RCCD1: variants seen among roughly 807,000 people sequenced by gnomAD.
RCCD1 encodes RCC1 domain-containing protein 1.
A neutral mutation model predicts 37.6 loss-of-function variants in RCCD1; 40 were observed. The ratio of observed to expected loss-of-function variants is 1.06; its 90% CI spans 0.83 to 1.39. The LOEUF is 1.39. Ranked by LOEUF, RCCD1 falls within the 40% of genes most tolerant of loss-of-function variation. The probability of loss-of-function intolerance (pLI) is 0.00; values close to 1 mark genes in which losing one functional copy is unlikely to be tolerated. For synonymous variants in RCCD1, 263 were observed against 230.0 expected, an observed-to-expected ratio of 1.14 and a Z score of -1.30; for missense variants, 577 against 517.3, an observed-to-expected ratio of 1.12 and a Z score of -1.12.
In RCCD1 at chr15:90,960,463, C is replaced by CCAGCTGTGGATCCCGGCACA. The variant is rs763035264; in HGVS notation, c.924_943dup (p.Val315AspfsTer8). ...CCCATGGGCTCAGATGCAGTCAAGG[C>CCAGCTGTGGATCCCGGCACA]CAGCTGTGGATCCCGGCACACAGCT... On this transcript the variant is annotated frameshift_variant, in exon 6 of 8. Coordinates refer to ENST00000394258, the MANE Select transcript of RCCD1 (RefSeq NM_001017919.2). LOFTEE classifies it high-confidence loss of function. 2 of 1,612,350 alleles carry CCAGCTGTGGATCCCGGCACA rather than the reference C, an allele frequency of 1.2e-6. No homozygotes were observed. Among genetic ancestry groups the CCAGCTGTGGATCCCGGCACA allele is most frequent in the Non-Finnish European group, 1.7e-6 (2 of 1,179,962 alleles).
intron 4 of RCCD1, among the ~76,000 whole-genome samples, 188 bp downstream of exon 4, chr15:90,957,913 C>G (rs1196798883): frequency 6.6e-6 from 1 of 152,224 alleles, no homozygotes; most frequent in Non-Finnish European, 1.5e-5. Flanking sequence ...CCACTCACGC[C>G]TGGACTCTGG....
At position 90,961,728 on chromosome 15, in the gene RCCD1, TG is replaced by T. The variant is rs1320746974; in HGVS notation, c.1092del (p.Trp364Ter). ...AGTAAAGGCTGTCACCTGTGGGCCG[TG>T]GAACACCTACGTGTATGCTGTGGAG... ...LQVKAVTCGP[W>X]NTYVYAVEKG... On this transcript the variant is annotated frameshift_variant, in exon 8 of 8. Coordinates refer to ENST00000394258, the MANE Select transcript of RCCD1 (RefSeq NM_001017919.2). LOFTEE classifies it high-confidence loss of function. The T allele has an allele frequency of 1.2e-6, 2 of 1,614,116 alleles. No individual in the cohort carries two copies. The highest frequency in any genetic ancestry group is 1.7e-6 in the Non-Finnish European group (2 of 1,179,992).
Position 90,961,647 on chromosome 15 carries a change from A to T in RCCD1, c.1009A>T (p.Thr337Ser). The T allele has an allele frequency of 6.2e-7, 1 of 1,613,926 alleles. No individual in the cohort carries two copies. The highest frequency in any genetic ancestry group is 1.7e-4 in the Middle Eastern group (1 of 6,056). ...GKYGQLGHED[T>S]TSLDRPRRVE... ...ATATGGACAGCTGGGCCACGAGGAC[A>T]CCACCAGCTTGGATCGGCCTCGCCG... The change falls in exon 8 of 8, where the codon ACC (threonine) becomes TCC (serine). Residue 337 changes from threonine to serine, a missense_variant. Thr to Ser is a moderately conservative substitution (Grantham distance 58). Coordinates refer to ENST00000394258, the MANE Select transcript of RCCD1 (RefSeq NM_001017919.2).
intron 1 of RCCD1, chr15:90,955,453 G>C (rs2037157511): frequency 6.6e-6 from 1 of 152,378 alleles, no homozygotes; most frequent in Admixed American, 6.5e-5. Flanking sequence ...CAAGATCAAG[G>C]TCAGAGGCCC....
At chr15:90,957,807 TACCC>T in intron 4 of RCCD1, 82 bp downstream of exon 4, 2 of 1,488,080 alleles carry the variant, frequency 1.3e-6, no homozygotes, top group Non-Finnish European at 1.8e-6. Flanking sequence ...GGTGGGGGCC[TACCC>T]AGGCCTCCTT....
chr15:90,957,413 C>T lies in RCCD1; in HGVS notation c.467C>T (p.Pro156Leu). The change falls in exon 3 of 8, where the codon CCG (proline) becomes CTG (leucine). Residue 156 changes from proline (P) to leucine (L), a missense_variant. Coordinates refer to ENST00000394258, the MANE Select transcript of RCCD1 (RefSeq NM_001017919.2). The part of the protein sequence containing the change: ...PRAPFYRPLA[P>L]ELRARQLELG... ...GCGCCCTTCTACCGGCCTCTGGCTC[C>T]GGAGCTGCGGGCACGCCAGCTGGAG... 6.5e-7 allele frequency: 1 copy of T among 1,540,442 alleles called. No individual in the cohort carries two copies.
Position 90,956,752 on chromosome 15 carries a change from G to A in RCCD1, c.18G>A (p.Pro6=). The stretch of plus-strand genomic sequence containing the variant: ...GCTCGGGCATGGCGGAGGAGCGGCC[G>A]GGGGCCTGGTTCGGCTTCGGTTTCT... The part of the protein sequence containing the change: MAEER[P]GAWFGFGFCG... Residue 6 remains proline (P), a synonymous_variant, in exon 2 of 8, where the codon CCG becomes CCA. Transcript: ENST00000394258. 2.3e-6 allele frequency: 3 copies of A among 1,323,130 alleles called. No individual in the cohort carries two copies. The highest frequency in any genetic ancestry group is 1.9e-6 in the Non-Finnish European group (2 of 1,036,466). 82.0% of individuals were successfully genotyped at this position (1,323,130 alleles called of 1,614,324 possible).
intron 1 of RCCD1, chr15:90,955,452 G>A (rs2037157413): frequency 6.6e-6 from 1 of 152,390 alleles, no homozygotes. Flanking sequence ...TCAAGATCAA[G>A]GTCAGAGGCC....
chr15:90,957,873 A>C, intron 4 of RCCD1, 148 bp downstream of exon 4: 2 of 1,064,864 alleles, frequency 1.9e-6, no homozygotes, highest in Non-Finnish European at 2.7e-6. Context: ...AATGCCTCTC[A>C]CCCTCGGCCT....
chr15:90,961,596 A>G, intron 7 of RCCD1, 22 bp from the exon 8 acceptor site: 1 of 1,605,098 alleles, frequency 6.2e-7, no homozygotes, highest in Non-Finnish European at 8.5e-7. Flanking sequence ...AGACGATGGC[A>G]AAGGGGCTGA....
chr15:90,957,870 C>T, intron 4 of RCCD1, 145 bp downstream of exon 4: 1 of 1,112,814 alleles, frequency 9.0e-7, no homozygotes, highest in South Asian at 1.5e-5. Context: ...CTAAATGCCT[C>T]TCACCCTCGG....
Position 90,957,094 on chromosome 15 carries a change from G to A in RCCD1, c.167-19G>A. On this transcript the variant is annotated intron_variant, in intron 2 of 7. Coordinates refer to ENST00000394258, the MANE Select transcript of RCCD1 (RefSeq NM_001017919.2). ...CCGCCGCCTCCATTCTGGCCACCCT[G>A]CTCCAATCCGCCCCGCAGGTGGAGG... 1 of 1,339,848 alleles carries A rather than the reference G, an allele frequency of 7.5e-7. No homozygotes were observed. Among genetic ancestry groups the A allele is most frequent in the Non-Finnish European group, 9.5e-7 (1 of 1,050,980 alleles). 83.0% of individuals were successfully genotyped at this position (1,339,848 alleles called of 1,614,324 possible).
Position 90,957,149 on chromosome 15 carries a change from GCGCGGCGGGCCGCTGCAAGGA to G in RCCD1, c.208_228del (p.Ala70_Ala76del). The G allele has an allele frequency of 7.3e-7, 1 of 1,362,458 alleles. No individual in the cohort carries two copies. Among genetic ancestry groups the G allele is most frequent in the Non-Finnish European group, 9.4e-7 (1 of 1,064,342 alleles). 84.4% of individuals were successfully genotyped at this position (1,362,458 alleles called of 1,614,324 possible). A position where few individuals can be genotyped will look rare whatever the true frequency, so the allele number is the denominator to read the frequency against. On this transcript the variant is annotated inframe_deletion, in exon 3 of 8. Transcript: ENST00000394258. ...TTGGAGCTGTCGGGCTCAGCCAGCG[GCGCGGCGGGCCGCTGCAAGGA>G]CGCGTGGGCCTCGGAGGGGCTCCTC...
chr15:90,957,922 G>A (rs552281896), intron 4 of RCCD1, among the ~76,000 whole-genome samples, 197 bp downstream of exon 4: 26 of 152,194 alleles, frequency 1.7e-4, no homozygotes, highest in Non-Finnish European at 3.4e-4. Context: ...CCTGGACTCT[G>A]GCATTTGTTC....
intron 6 of RCCD1, 38 bp downstream of exon 6, chr15:90,960,536 T>A (rs746396705): frequency 6.3e-7 from 1 of 1,576,566 alleles, no homozygotes; most frequent in East Asian, 2.2e-5. Context: ...CCACTCGAGC[T>A]GGTGCCTACG....
chr15:90,961,514 G>T, intron 7 of RCCD1, 104 bp from the exon 8 acceptor site: 3 of 1,309,126 alleles, frequency 2.3e-6, no homozygotes, highest in Non-Finnish European at 3.1e-6. Flanking sequence ...AGAGCAGTGG[G>T]GCATAATCCC....
At chr15:90,955,318 C>T (rs1026507477) in intron 1 of RCCD1, 2 of 149,122 alleles carry the variant, frequency 1.3e-5, no homozygotes, top group African/African-American at 2.5e-5. Context: ...CAAACCTTTT[C>T]TCCCCGTGGC....
chr15:90,956,704 G>C lies in RCCD1; in HGVS notation c.-31G>C. ...AATCCCCCCGGGCCCGCCGCAGCCA[G>C]GCGGCGGCCGGCAGAGGGCGCTGCT... On this transcript the variant is annotated 5_prime_UTR_variant, in exon 2 of 8. Coordinates refer to ENST00000394258, the MANE Select transcript of RCCD1 (RefSeq NM_001017919.2). The C allele has an allele frequency of 1.6e-6, 2 of 1,263,656 alleles. No homozygotes were observed. The highest frequency in any genetic ancestry group is 2.0e-6 in the Non-Finnish European group (2 of 1,004,680). 78.3% of individuals were successfully genotyped at this position (1,263,656 alleles called of 1,614,324 possible). A position where few individuals can be genotyped will look rare whatever the true frequency, so the allele number is the denominator to read the frequency against.
intron 6 of RCCD1, 87 bp from the exon 7 acceptor site, chr15:90,960,938 C>T: frequency 4.1e-6 from 5 of 1,218,854 alleles, no homozygotes; most frequent in Non-Finnish European, 4.9e-6. Flanking sequence ...TTGTAATATG[C>T]TAGCTGTGGG....
Sources: gnomAD v4.1 joint callset for allele counts (sites outside exome capture counted in the v4.1 genomes callset) on GRCh38, gnomAD v4.1.1 for gene constraint, MANE v1.5 for transcripts, NCBI Gene and HGNC (gene_info 2026-07-23, HGNC 2026-07-21) for gene names.